Variants in CSRNP3 observed in about 807,000 individuals in gnomAD.
CSRNP3 encodes the protein cysteine and serine rich nuclear protein 3, also known as cysteine/serine-rich nuclear protein 3.
In CSRNP3, 12 loss-of-function variants were observed where a neutral mutation model predicts 48.0. The ratio of observed to expected loss-of-function variants is 0.25; its 90% CI spans 0.16 to 0.41. The LOEUF (loss-of-function observed/expected upper bound fraction) is 0.41, where lower values mean the gene tolerates loss of function less well. Ranked by LOEUF, CSRNP3 falls within the 10% of genes least tolerant of loss-of-function variation. The pLI is 1.00. For synonymous variants in CSRNP3, 263 were observed against 269.7 expected (o/e 0.98, Z 0.24); for missense variants, 580 against 724.4 (o/e 0.80, Z 2.29).
rs150701870 is a variant in CSRNP3 at position 165,637,479 on chromosome 2, A to T, written c.149-20282A>T. ...CATTGGCTCAGAATTAGGTGGTATT[A>T]GTACTCATAGCTGGTCATGATTGGG... On this transcript the variant is annotated intron_variant, in intron 4 of 6. Transcript: ENST00000651982. Among the ~76,000 whole-genome samples, 141 of 152,344 alleles carry T rather than the reference A, an allele frequency of 9.3e-4. 2 individuals carry two copies. Among genetic ancestry groups the T allele is most frequent in the African/African-American group, 3.2e-3 (132 of 41,580 alleles).
chr2:165,621,395 G>A (rs1363371411), intron 4 of CSRNP3, among the ~76,000 whole-genome samples: 2 of 150,200 alleles, frequency 1.3e-5, no homozygotes, highest in Non-Finnish European at 2.9e-5. Flanking sequence ...TATTTGATAT[G>A]CTAAGAATGG....
chr2:165,585,548 A>G (rs572719781), intron 3 of CSRNP3, among the ~76,000 whole-genome samples: 1 of 152,312 alleles, frequency 6.6e-6, no homozygotes, highest in East Asian at 1.9e-4. Flanking sequence ...CAATCCAGAC[A>G]CTGGTGTTTC....
intron 4 of CSRNP3, among the ~76,000 whole-genome samples, chr2:165,596,839 C>T (rs1176078057): frequency 6.6e-6 from 1 of 152,136 alleles, no homozygotes; most frequent in African/African-American, 2.4e-5. Flanking sequence ...GTACTAGGCA[C>T]ATGTTAAATT....
In CSRNP3 at chr2:165,481,625, C is replaced by T. The variant is rs13007138; in HGVS notation, c.-283+11885C>T. On this transcript the variant is annotated intron_variant, in intron 1 of 6. Coordinates refer to ENST00000651982, the MANE Select transcript of CSRNP3 (RefSeq NM_001172173.2). ...CCCTCATTCCTGATTTATAGTTCTC[C>T]TTTATGCTACACTGGCTAGATTACA... 5.8e-3 allele frequency among the ~76,000 whole-genome samples: 886 copies of T among 152,238 alleles called. 4 individuals carry two copies. The highest frequency in any genetic ancestry group is 0.017 in the Middle Eastern group (5 of 292).
At position 165,658,386 on chromosome 2, in the gene CSRNP3, C is replaced by T. The variant is rs543519888; in HGVS notation, c.408+366C>T. On this transcript the variant is annotated intron_variant, in intron 5 of 6. Transcript: ENST00000651982. ...AGTGCTAAACAAAATAAAAGCACAA[C>T]TTCATTGAGTGCAATGTAGAAGAGT... 2.6e-5 allele frequency among the ~76,000 whole-genome samples: 4 copies of T among 152,190 alleles called. No individual in the cohort carries two copies. The South Asian group carries it at 6.2e-4, about 24-fold the overall frequency.
chr2:165,641,612 A>G (rs767523964), intron 4 of CSRNP3, among the ~76,000 whole-genome samples: 1 of 152,150 alleles, frequency 6.6e-6, no homozygotes, highest in Non-Finnish European at 1.5e-5. Context: ...TGGGGAGTGA[A>G]TTGGTCTCTG....
chr2:165,473,791 T>A (rs16850739), intron 1 of CSRNP3, among the ~76,000 whole-genome samples: 33,991 of 152,080 alleles, frequency 0.22, 4,074 homozygotes, highest in East Asian at 0.34. Flanking sequence ...TCAGATATTA[T>A]AATGGCCTAA....
At chr2:165,522,430 C>T (rs1036918414) in intron 3 of CSRNP3, among the ~76,000 whole-genome samples, 1 of 152,010 alleles carries the variant, frequency 6.6e-6, no homozygotes, top group Non-Finnish European at 1.5e-5. Flanking sequence ...TGCTTATACT[C>T]GGCCTTGTAT....
intron 4 of CSRNP3, among the ~76,000 whole-genome samples, chr2:165,638,393 G>A (rs775477818): frequency 5.9e-5 from 9 of 151,994 alleles, no homozygotes; most frequent in Non-Finnish European, 7.4e-5. Flanking sequence ...CCCAGGTGGC[G>A]GATATTGCAG....
At chr2:165,543,732 G>A (rs1481409362) in intron 3 of CSRNP3, among the ~76,000 whole-genome samples, 1 of 151,826 alleles carries the variant, frequency 6.6e-6, no homozygotes, top group Non-Finnish European at 1.5e-5. Flanking sequence ...CTCAATACAG[G>A]CATACAATGC....
intron 3 of CSRNP3, among the ~76,000 whole-genome samples, chr2:165,565,535 T>C (rs1685286235): frequency 6.6e-6 from 1 of 151,948 alleles, no homozygotes; most frequent in Non-Finnish European, 1.5e-5. Context: ...CTTCCATAAA[T>C]AAAAAACAGA....
intron 3 of CSRNP3, among the ~76,000 whole-genome samples, chr2:165,560,941 CA>C (rs910668926): frequency 2.6e-5 from 4 of 151,724 alleles, no homozygotes; most frequent in African/African-American, 7.3e-5. Context: ...ATTTGAGAAG[CA>C]AAAAAATGCT....
chr2:165,613,810 T>A (rs1415828172), intron 4 of CSRNP3, among the ~76,000 whole-genome samples: 1 of 152,184 alleles, frequency 6.6e-6, no homozygotes, highest in Non-Finnish European at 1.5e-5. Flanking sequence ...AGCTTTGTAG[T>A]GGATTTTGAA....
chr2:165,482,775 A>C (rs1425197449), intron 1 of CSRNP3, among the ~76,000 whole-genome samples: 1 of 152,178 alleles, frequency 6.6e-6, no homozygotes, highest in East Asian at 1.9e-4. Context: ...GTTCTCATTT[A>C]GGAGTTTCCC....
At chr2:165,486,494 G>A (rs1684120171) in intron 1 of CSRNP3, among the ~76,000 whole-genome samples, 1 of 144,790 alleles carries the variant, frequency 6.9e-6, no homozygotes, top group Non-Finnish European at 1.5e-5. Context: ...TGGGGGCAGG[G>A]CACAGACAAA....
At chr2:165,625,355 G>A (rs1188537581) in intron 4 of CSRNP3, among the ~76,000 whole-genome samples, 1 of 151,758 alleles carries the variant, frequency 6.6e-6, no homozygotes, top group Non-Finnish European at 1.5e-5. Flanking sequence ...TGCCAGGCAC[G>A]GTGGCTCATG....
chr2:165,526,515 CAACAT>C (rs1684733812), intron 3 of CSRNP3, among the ~76,000 whole-genome samples: 1 of 152,056 alleles, frequency 6.6e-6, no homozygotes. Context: ...TTAAAAGACT[CAACAT>C]AATTAGGAAT....
intron 3 of CSRNP3, among the ~76,000 whole-genome samples, chr2:165,570,932 CAA>C (rs1175377507): frequency 6.6e-6 from 1 of 151,852 alleles, no homozygotes; most frequent in Non-Finnish European, 1.5e-5. Context: ...GCTAACCCTA[CAA>C]ATAATATCAT....
chr2:165,635,199 G>A (rs747932447), intron 4 of CSRNP3, among the ~76,000 whole-genome samples: 12 of 152,236 alleles, frequency 7.9e-5, no homozygotes, highest in African/African-American at 1.4e-4. Context: ...TGGGGTGCCC[G>A]TGAGGGCATC....
Sources: allele counts gnomAD v4.1 joint callset (sites outside exome capture counted in the v4.1 genomes callset), GRCh38; gene constraint gnomAD v4.1.1; transcripts MANE v1.5; gene names NCBI Gene and HGNC (gene_info 2026-07-23, HGNC 2026-07-21).